The following PPARGC1A variants were observed in gnomAD, a reference collection of about 807,000 sequenced individuals.
PPARGC1A encodes peroxisome proliferator-activated receptor gamma coactivator 1-alpha.
PPARGC1A carries 25 observed loss-of-function variants against 88.7 expected under a neutral mutation model. That is an observed-to-expected ratio of 0.28 (90% confidence interval 0.21 to 0.39). The LOEUF (loss-of-function observed/expected upper bound fraction) is 0.39, where lower values mean the gene tolerates loss of function less well. Ranked by LOEUF, PPARGC1A falls within the 10% of genes least tolerant of loss-of-function variation. The pLI is 1.00. For synonymous variants in PPARGC1A, 363 were observed against 355.6 expected (o/e 1.02, Z -0.24); for missense variants, 880 against 968.7 (o/e 0.91, Z 1.22).
chr4:23,905,725 T>TA, upstream of PPARGC1A, among the ~76,000 whole-genome samples: 1 of 152,308 alleles, frequency 6.6e-6, no homozygotes, highest in South Asian at 2.1e-4. Flanking sequence ...ATTCTAGGGA[T>TA]AAAATCACTG....
the PPARGC1A span, among the ~76,000 whole-genome samples, chr4:24,014,956 G>T: frequency 3.3e-5 from 5 of 152,080 alleles, no homozygotes; most frequent in Admixed American, 6.6e-5. Flanking sequence ...TAGACAGGTG[G>T]GAATCTCAGG....
At chr4:24,002,009 C>T in the PPARGC1A span, among the ~76,000 whole-genome samples, 3 of 150,894 alleles carry the variant, frequency 2.0e-5, no homozygotes, top group East Asian at 2.0e-4. Flanking sequence ...ACATCCTGGC[C>T]GTCAGGAAGT....
the PPARGC1A span, among the ~76,000 whole-genome samples, chr4:23,947,569 T>C: frequency 1.3e-5 from 2 of 151,776 alleles, no homozygotes; most frequent in South Asian, 2.1e-4. Flanking sequence ...GGATATCTGC[T>C]CTTGCCCTAC....
chr4:24,039,776 T>C, the PPARGC1A span, among the ~76,000 whole-genome samples: 2 of 152,314 alleles, frequency 1.3e-5, no homozygotes, highest in South Asian at 4.2e-4. Flanking sequence ...TATAGAAGTA[T>C]GTTCTCCAAA....
In PPARGC1A at chr4:23,794,331, C is replaced by G. The variant is rs980647405; in HGVS notation, c.*1491G>C. 1.3e-5 allele frequency: 2 copies of G among 152,440 alleles called. No homozygotes were observed. Among genetic ancestry groups the G allele is most frequent in the Non-Finnish European group, 2.9e-5 (2 of 68,006 alleles). 9.4% of individuals were successfully genotyped at this position (152,440 alleles called of 1,614,324 possible). ...AGAAAATTTCATTCCCCTAACAAAT[C>G]CAGTGTATAAAACTTCAAAGAAAAA... On this transcript the variant is annotated 3_prime_UTR_variant, in exon 13 of 13. Transcript: ENST00000264867.
At chr4:24,357,602 C>T in the PPARGC1A span, among the ~76,000 whole-genome samples, 960 of 152,272 alleles carry the variant, frequency 6.3e-3, 10 homozygotes, top group African/African-American at 0.022. Flanking sequence ...CATGCCTGTT[C>T]GATATGGTTT....
chr4:24,224,094 G>T, the PPARGC1A span, among the ~76,000 whole-genome samples: 1 of 152,128 alleles, frequency 6.6e-6, no homozygotes, highest in Non-Finnish European at 1.5e-5. Context: ...TGATGGGAAG[G>T]GGCACGACAG....
intron 10 of PPARGC1A, among the ~76,000 whole-genome samples, chr4:23,807,611 C>T (rs1483149145): frequency 1.3e-5 from 2 of 152,090 alleles, no homozygotes; most frequent in Non-Finnish European, 2.9e-5. Context: ...AAAAACTGTA[C>T]ATATTAAACA....
upstream of PPARGC1A, among the ~76,000 whole-genome samples, chr4:23,904,374 G>A (rs1472840235): frequency 6.6e-6 from 1 of 152,124 alleles, no homozygotes; most frequent in East Asian, 1.9e-4. Flanking sequence ...TAGCAGTACT[G>A]TAATTTTTCC....
the PPARGC1A span, among the ~76,000 whole-genome samples, chr4:24,091,901 T>C: frequency 6.9e-6 from 1 of 145,780 alleles, no homozygotes; most frequent in African/African-American, 2.7e-5. Flanking sequence ...CATTTCTATG[T>C]GTGCTCCCGT....
intron 2 of PPARGC1A, among the ~76,000 whole-genome samples, chr4:23,865,158 G>A (rs1297529644): frequency 2.0e-5 from 3 of 152,138 alleles, no homozygotes; most frequent in Non-Finnish European, 4.4e-5. Flanking sequence ...GCACTCCAGT[G>A]TGGGCAACAG....
At chr4:24,098,893 A>G in the PPARGC1A span, among the ~76,000 whole-genome samples, 1 of 152,232 alleles carries the variant, frequency 6.6e-6, no homozygotes, top group African/African-American at 2.4e-5. Flanking sequence ...GTACATATGA[A>G]TCTGTCACTG....
the PPARGC1A span, among the ~76,000 whole-genome samples, chr4:24,269,509 G>A: frequency 0.012 from 1,891 of 152,246 alleles, 45 homozygotes; most frequent in African/African-American, 0.043. Flanking sequence ...TCAAATCTTA[G>A]CTCTACTACT....
the PPARGC1A span, among the ~76,000 whole-genome samples, chr4:24,001,201 T>C: frequency 6.6e-6 from 1 of 152,224 alleles, no homozygotes; most frequent in Non-Finnish European, 1.5e-5. Context: ...GTTTGATAAA[T>C]GTGACTTGCA....
the PPARGC1A span, among the ~76,000 whole-genome samples, chr4:24,325,191 C>T: frequency 6.6e-6 from 1 of 152,194 alleles, no homozygotes; most frequent in Non-Finnish European, 1.5e-5. Flanking sequence ...AGACGCTTTA[C>T]AGCCCTAGAC....
At chr4:23,935,690 G>A in the PPARGC1A span, among the ~76,000 whole-genome samples, 82 of 152,192 alleles carry the variant, frequency 5.4e-4, no homozygotes, top group Admixed American at 9.8e-4. Flanking sequence ...TTGTATCTCT[G>A]TTTTACATGT....
chr4:23,992,553 A>G, the PPARGC1A span, among the ~76,000 whole-genome samples: 1 of 152,034 alleles, frequency 6.6e-6, no homozygotes, highest in Non-Finnish European at 1.5e-5. Context: ...CCAAGTTGGG[A>G]TTTGAACTCA....
At chr4:24,155,971 TTTC>T in the PPARGC1A span, among the ~76,000 whole-genome samples, 1 of 152,188 alleles carries the variant, frequency 6.6e-6, no homozygotes, top group African/African-American at 2.4e-5. Context: ...ACCCAGCTGT[TTTC>T]TTTCTTCCTG....
At chr4:24,400,773 A>T in the PPARGC1A span, among the ~76,000 whole-genome samples, 142 of 152,264 alleles carry the variant, frequency 9.3e-4, no homozygotes, top group Middle Eastern at 3.4e-3. Flanking sequence ...GACTGTCAGG[A>T]TGATGGTGGG....
Sources: allele counts gnomAD v4.1 joint callset (sites outside exome capture counted in the v4.1 genomes callset), GRCh38; gene constraint gnomAD v4.1.1; transcripts MANE v1.5; gene names NCBI Gene and HGNC (gene_info 2026-07-23, HGNC 2026-07-21).